CAPZB: variants seen among roughly 807,000 people sequenced by gnomAD.
CAPZB encodes F-actin-capping protein subunit beta.
In CAPZB, 2 loss-of-function variants were observed where a neutral mutation model predicts 38.1. That is an observed-to-expected ratio of 0.05 (90% confidence interval 0.02 to 0.17). The LOEUF is 0.17. Ranked by LOEUF, CAPZB falls within the 10% of genes least tolerant of loss-of-function variation. The probability of loss-of-function intolerance (pLI) is 1.00; values close to 1 mark genes in which losing one functional copy is unlikely to be tolerated. For missense variants in CAPZB, 161 were observed against 334.2 expected (o/e 0.48, Z 4.04); for synonymous variants, 107 against 127.4 (o/e 0.84, Z 1.08).
chr1:19,339,490 A>G lies in CAPZB; in HGVS notation c.*40T>C. On this transcript the variant is annotated 3_prime_UTR_variant, in exon 9 of 9. Transcript: ENST00000264202. ...AACGAGTTTTCTAAGAAAGGAATCT[A>G]ACGAGTGCACGGCGTGTCTGGTTAG... The G allele has an allele frequency of 6.9e-7, 1 of 1,453,984 alleles. No homozygotes were observed. The highest frequency in any genetic ancestry group is 9.7e-7 in the Non-Finnish European group (1 of 1,033,886). The allele number at this position is 1,453,984 out of a possible 1,614,324, so 90.1% of individuals were successfully genotyped here.
chr1:19,347,495 A>G (rs1414021784), intron 6 of CAPZB, among the ~76,000 whole-genome samples: 1 of 151,480 alleles, frequency 6.6e-6, no homozygotes, highest in Non-Finnish European at 1.5e-5. Flanking sequence ...CCCCCCACCC[A>G]CTCCCCTCCA....
intron 6 of CAPZB, among the ~76,000 whole-genome samples, chr1:19,346,264 A>G (rs2093959863): frequency 6.6e-6 from 1 of 152,120 alleles, no homozygotes; most frequent in Non-Finnish European, 1.5e-5. Flanking sequence ...AATAATCAAG[A>G]AAGAGGAAGA....
chr1:19,443,883 G>A (rs539879712), intron 1 of CAPZB, among the ~76,000 whole-genome samples: 9 of 152,318 alleles, frequency 5.9e-5, no homozygotes, highest in East Asian at 3.9e-4. Context: ...CCCAGGGAGT[G>A]CACACACACA....
Position 19,400,700 on chromosome 1 carries a change from C to T in CAPZB, c.94-15074G>A, listed in dbSNP as rs539320332. Among the ~76,000 whole-genome samples the T allele has an allele frequency of 1.1e-4, 16 of 152,288 alleles. No individual in the cohort carries two copies. The South Asian group carries it at 2.7e-3, about 26-fold the overall frequency. On this transcript the variant is annotated intron_variant, in intron 2 of 8. Transcript: ENST00000264202. ...TGGAAGCTCTCCAAACACTGTTCTC[C>T]GGCTTCCAACAACAACAGGAGTCCA...
intron 1 of CAPZB, among the ~76,000 whole-genome samples, chr1:19,453,308 C>T (rs1463249339): frequency 6.6e-6 from 1 of 152,148 alleles, no homozygotes; most frequent in Non-Finnish European, 1.5e-5. Context: ...GTCGCCTAGG[C>T]TGGAGTGCAG....
At chr1:19,468,615 T>C (rs139481789) in intron 1 of CAPZB, among the ~76,000 whole-genome samples, 1,859 of 152,120 alleles carry the variant, frequency 0.012, 36 homozygotes, top group African/African-American at 0.041. Context: ...TGTACTGAAA[T>C]AGAAGAGGGT....
At chr1:19,480,642 G>C (rs907230381) in intron 1 of CAPZB, among the ~76,000 whole-genome samples, 1 of 152,174 alleles carries the variant, frequency 6.6e-6, no homozygotes, top group Non-Finnish European at 1.5e-5. Flanking sequence ...CCTGGAAGAG[G>C]GCAGGAACCC....
chr1:19,457,451 T>C (rs549489457), intron 1 of CAPZB, among the ~76,000 whole-genome samples: 2 of 152,168 alleles, frequency 1.3e-5, no homozygotes, highest in Non-Finnish European at 2.9e-5. Flanking sequence ...CTTGAGGAGC[T>C]CTTACAATAC....
chr1:19,485,445 G>A lies in CAPZB; in HGVS notation c.-7C>T. On this transcript the variant is annotated 5_prime_UTR_variant, in exon 1 of 9. Transcript: ENST00000264202. ...GCCGTGCGGCCTTTACCATGGTGGC[G>A]GCGGCGGCGGCGGTCCCGGTCCCGG... The A allele has an allele frequency of 8.1e-7, 1 of 1,230,508 alleles. No homozygotes were observed. The highest frequency in any genetic ancestry group is 4.1e-5 in the South Asian group (1 of 24,328). 76.2% of individuals were successfully genotyped at this position (1,230,508 alleles called of 1,614,324 possible).
rs751355953 is a variant in CAPZB at position 19,339,501 on chromosome 1, G to A, written c.*29C>T. On this transcript the variant is annotated 3_prime_UTR_variant, in exon 9 of 9. Coordinates refer to ENST00000264202, the MANE Select transcript of CAPZB (RefSeq NM_004930.5). Reference sequence around the variant, plus strand: ...TAAGAAAGGAATCTAACGAGTGCACGGCGTGTCTGGTTAGCATGAAACAGA... The same window carrying A: ...TAAGAAAGGAATCTAACGAGTGCACAGCGTGTCTGGTTAGCATGAAACAGA... 3.3e-6 allele frequency: 5 copies of A among 1,517,160 alleles called. No homozygotes were observed. In the South Asian group the frequency reaches 4.5e-5, roughly 14 times the overall value. 94.0% of individuals were successfully genotyped at this position (1,517,160 alleles called of 1,614,324 possible).
intron 2 of CAPZB, among the ~76,000 whole-genome samples, chr1:19,388,340 G>T (rs923674850): frequency 6.6e-6 from 1 of 152,114 alleles, no homozygotes; most frequent in East Asian, 1.9e-4. Context: ...CAGTGCCTGT[G>T]GCTGTGCCTG....
intron 4 of CAPZB, among the ~76,000 whole-genome samples, chr1:19,369,217 A>G (rs214319): frequency 0.33 from 50,607 of 152,158 alleles, 9,295 homozygotes; most frequent in East Asian, 0.56. Flanking sequence ...GATGAAAGGG[A>G]ACCCCAGGAC....
intron 1 of CAPZB, among the ~76,000 whole-genome samples, chr1:19,471,612 C>T (rs1307381405): frequency 1.3e-5 from 2 of 152,094 alleles, no homozygotes; most frequent in Non-Finnish European, 2.9e-5. Context: ...CACCTGTAAT[C>T]CCAGCACTTT....
At chr1:19,460,875 T>C (rs1343940362) in intron 1 of CAPZB, among the ~76,000 whole-genome samples, 1 of 152,012 alleles carries the variant, frequency 6.6e-6, no homozygotes, top group Admixed American at 6.6e-5. Flanking sequence ...TGAACATGCA[T>C]AAGCATATAA....
At chr1:19,404,169 G>A (rs1223728462) in intron 2 of CAPZB, among the ~76,000 whole-genome samples, 1 of 142,758 alleles carries the variant, frequency 7.0e-6, no homozygotes, top group African/African-American at 2.6e-5. Context: ...GCAGGCAGAA[G>A]TTGCAGTGAG....
At chr1:19,449,396 T>C in intron 1 of CAPZB, 3 of 950,006 alleles carry the variant, frequency 3.2e-6, no homozygotes, top group Non-Finnish European at 3.8e-6. Flanking sequence ...CTAGCATCCT[T>C]AAGGTGAGGA....
intron 2 of CAPZB, among the ~76,000 whole-genome samples, chr1:19,407,415 G>A (rs1317300369): frequency 6.6e-6 from 1 of 152,162 alleles, no homozygotes; most frequent in Non-Finnish European, 1.5e-5. Context: ...CTCACACATA[G>A]ACTGGGGGGC....
At chr1:19,419,962 G>C (rs917603522) in intron 1 of CAPZB, 50 of 521,726 alleles carry the variant, frequency 9.6e-5, no homozygotes, top group Non-Finnish European at 1.6e-4. Flanking sequence ...GTCTCAAGTG[G>C]GGGCATCCAA....
chr1:19,354,871 G>T (rs1041110187), intron 6 of CAPZB, among the ~76,000 whole-genome samples: 3 of 152,198 alleles, frequency 2.0e-5, no homozygotes, highest in Non-Finnish European at 4.4e-5. Flanking sequence ...GGCTGCAGGG[G>T]AGCTGGCTGC....
Sources: allele counts gnomAD v4.1 joint callset (sites outside exome capture counted in the v4.1 genomes callset), GRCh38; gene constraint gnomAD v4.1.1; transcripts MANE v1.5; gene names NCBI Gene and HGNC (gene_info 2026-07-23, HGNC 2026-07-21).